CDK14: variants seen among roughly 807,000 people sequenced by gnomAD.
CDK14 encodes the protein cyclin-dependent kinase 14.
CDK14 carries 34 observed loss-of-function variants against 60.7 expected under a neutral mutation model. That is an observed-to-expected ratio of 0.56 (90% CI 0.43 to 0.75). The LOEUF (loss-of-function observed/expected upper bound fraction) is 0.75, where lower values mean the gene tolerates loss of function less well. Among genes scored for constraint, CDK14 ranks in the 30% least tolerant of loss-of-function variants. CDK14 has a pLI of 0.00. For missense variants in CDK14, 482 were observed against 564.1 expected, an observed-to-expected ratio of 0.85 and a Z score of 1.47; for synonymous variants, 197 against 203.7, an observed-to-expected ratio of 0.97 and a Z score of 0.28.
At chr7:90,817,899 T>G (rs983322275) in intron 5 of CDK14, among the ~76,000 whole-genome samples, 5 of 152,168 alleles carry the variant, frequency 3.3e-5, no homozygotes, top group Non-Finnish European at 5.9e-5. Context: ...TGGTTCATGG[T>G]GGGTAAGGGA....
rs555091391 is a variant in CDK14 at position 90,976,167 on chromosome 7, C to T, written c.948-7981C>T. Among the ~76,000 whole-genome samples, 3 of 152,252 alleles carry T rather than the reference C, an allele frequency of 2.0e-5. No homozygotes were observed. The East Asian group carries it at 5.8e-4, about 29-fold the overall frequency. Reference sequence around the variant, plus strand: ...ACAGTATATAAGAGTTCCCTTTTCTCCACATCCTTGCCAGCATTTGTTATT... The same window carrying T: ...ACAGTATATAAGAGTTCCCTTTTCTTCACATCCTTGCCAGCATTTGTTATT... On this transcript the variant is annotated intron_variant, in intron 9 of 14. Coordinates refer to ENST00000380050, the MANE Select transcript of CDK14 (RefSeq NM_001287135.2).
chr7:90,838,059 T>C lies in CDK14; in HGVS notation c.545-25116T>C, dbSNP rs369729278. Reference sequence around the variant, plus strand: ...TGCAACGGGTATGACGGTGGTCGAGTGTTGCAGGAAGTCAGGGACCCCAAA... The same window carrying C: ...TGCAACGGGTATGACGGTGGTCGAGCGTTGCAGGAAGTCAGGGACCCCAAA... On this transcript the variant is annotated intron_variant, in intron 5 of 14. Transcript: ENST00000380050. Among the ~76,000 whole-genome samples, 122 of 152,162 alleles carry C rather than the reference T, an allele frequency of 8.0e-4. 1 individual carries two copies. The highest frequency in any genetic ancestry group is 3.4e-3 in the Middle Eastern group (1 of 294).
chr7:90,748,826 T>A (rs1803696756), intron 4 of CDK14, among the ~76,000 whole-genome samples: 1 of 152,188 alleles, frequency 6.6e-6, no homozygotes, highest in South Asian at 2.1e-4. Flanking sequence ...TGGGCTTAAG[T>A]GATCCTCTGG....
At chr7:90,894,482 A>T (rs997302723) in intron 6 of CDK14, among the ~76,000 whole-genome samples, 1 of 152,170 alleles carries the variant, frequency 6.6e-6, no homozygotes, top group African/African-American at 2.4e-5. Flanking sequence ...AAAGTCTTTT[A>T]AGTTTTCCCA....
chr7:91,000,529 G>A (rs1022565646), intron 10 of CDK14, among the ~76,000 whole-genome samples: 5 of 152,212 alleles, frequency 3.3e-5, no homozygotes, highest in African/African-American at 1.2e-4. Flanking sequence ...ATATAGCCGA[G>A]ATTCGTGTTA....
chr7:90,701,579 A>C (rs1801787673), intron 2 of CDK14, among the ~76,000 whole-genome samples: 1 of 152,192 alleles, frequency 6.6e-6, no homozygotes. Context: ...GTTTAAAACA[A>C]GACATCTATT....
At chr7:90,930,383 G>T (rs1468904829) in intron 8 of CDK14, among the ~76,000 whole-genome samples, 1 of 152,040 alleles carries the variant, frequency 6.6e-6, no homozygotes, top group African/African-American at 2.4e-5. Flanking sequence ...TGTCAGCCTT[G>T]GCTATAGATA....
chr7:90,735,120 C>T (rs1004008975), intron 3 of CDK14, among the ~76,000 whole-genome samples: 2 of 152,142 alleles, frequency 1.3e-5, no homozygotes, highest in African/African-American at 4.8e-5. Context: ...ACCCTGTTTG[C>T]CTGGGTATCA....
At chr7:90,736,344 G>GCTTTTTTT (rs1563063351) in intron 3 of CDK14, among the ~76,000 whole-genome samples, 6 of 41,022 alleles carry the variant, frequency 1.5e-4, no homozygotes, top group African/African-American at 3.6e-4. Flanking sequence ...ACTTTATTAT[G>GCTTTTTTT]TTTTTGTTTT....
intron 8 of CDK14, among the ~76,000 whole-genome samples, chr7:90,943,793 C>T (rs1015884036): frequency 2.0e-5 from 3 of 152,150 alleles, no homozygotes; most frequent in African/African-American, 7.2e-5. Flanking sequence ...ATTGAAGTCT[C>T]AAGGTGAAAA....
chr7:91,181,701 G>A (rs924395021), intron 14 of CDK14, among the ~76,000 whole-genome samples: 4 of 152,126 alleles, frequency 2.6e-5, no homozygotes, highest in Non-Finnish European at 4.4e-5. Flanking sequence ...CTCCAAAGGT[G>A]ATGGATGTGT....
intron 11 of CDK14, among the ~76,000 whole-genome samples, chr7:91,060,740 T>A (rs1797757292): frequency 6.6e-6 from 1 of 152,266 alleles, no homozygotes; most frequent in Non-Finnish European, 1.5e-5. Flanking sequence ...CACTGTCTTC[T>A]GGCTTGTAGA....
At chr7:90,722,323 C>T (rs1802487747) in intron 2 of CDK14, among the ~76,000 whole-genome samples, 1 of 152,132 alleles carries the variant, frequency 6.6e-6, no homozygotes, top group African/African-American at 2.4e-5. Flanking sequence ...TCCACCTCAG[C>T]CTCCTGAGTA....
intron 12 of CDK14, among the ~76,000 whole-genome samples, chr7:91,091,501 T>TTTTATA (rs1369809555): frequency 1.1e-5 from 1 of 88,972 alleles, no homozygotes; most frequent in African/African-American, 4.3e-5. Context: ...TTTATATATT[T>TTTTATA]TATATATATA....
intron 2 of CDK14, 81 bp downstream of exon 2, chr7:90,604,330 GA>G: frequency 1.4e-6 from 1 of 736,060 alleles, no homozygotes; most frequent in Middle Eastern, 3.0e-4. Context: ...TTTGTACCTG[GA>G]AACAAAAAAA....
intron 2 of CDK14, among the ~76,000 whole-genome samples, chr7:90,630,269 A>G (rs1799965898): frequency 6.6e-6 from 1 of 152,118 alleles, no homozygotes. Context: ...CATAGAGTAT[A>G]TTTACACACA....
Position 91,036,028 on chromosome 7 carries a change from A to G in CDK14, c.1042-9869A>G, listed in dbSNP as rs540028277. Among the ~76,000 whole-genome samples the G allele has an allele frequency of 4.3e-3, 659 of 152,064 alleles. 4 individuals are homozygous for G. Among genetic ancestry groups the G allele is most frequent in the African/African-American group, 0.015 (635 of 41,482 alleles). ...CCGGCTAATTTTTTGTATTTTTAGT[A>G]GAGACGGGGTTTCACCTTGTTAGCC... is the stretch of plus-strand genomic sequence containing the variant. On this transcript the variant is annotated intron_variant, in intron 10 of 14. Coordinates refer to ENST00000380050, the MANE Select transcript of CDK14 (RefSeq NM_001287135.2).
intron 14 of CDK14, among the ~76,000 whole-genome samples, chr7:91,126,511 A>G (rs1799950860): frequency 6.6e-6 from 1 of 152,208 alleles, no homozygotes; most frequent in Non-Finnish European, 1.5e-5. Flanking sequence ...GCACATAATT[A>G]ATTCTGCAAA....
intron 2 of CDK14, among the ~76,000 whole-genome samples, chr7:90,621,763 T>G (rs1799775519): frequency 6.6e-6 from 1 of 152,112 alleles, no homozygotes; most frequent in African/African-American, 2.4e-5. Context: ...TCTTAAATGT[T>G]TTTTCTGTAT....
Sources: allele counts gnomAD v4.1 joint callset (sites outside exome capture counted in the v4.1 genomes callset), GRCh38; gene constraint gnomAD v4.1.1; transcripts MANE v1.5; gene names NCBI Gene and HGNC (gene_info 2026-07-23, HGNC 2026-07-21).